WDR49: variants seen among roughly 807,000 people sequenced by gnomAD.
WDR49 encodes the protein cilia- and flagella-associated protein 337.
WDR49 carries 107 observed loss-of-function variants against 119.5 expected under a neutral mutation model. That is an observed-to-expected ratio of 0.90 (90% CI 0.77 to 1.05). WDR49 has a LOEUF of 1.05. WDR49 is among the 50% of genes least tolerant of loss of function. The pLI is 0.00. For synonymous variants in WDR49, 425 were observed against 418.8 expected, an observed-to-expected ratio of 1.01 and a Z score of -0.18; for missense variants, 1,240 against 1,220.5, an observed-to-expected ratio of 1.02 and a Z score of -0.24.
intron 5 of WDR49, among the ~76,000 whole-genome samples, chr3:167,614,242 C>G (rs1466956457): frequency 6.6e-6 from 1 of 152,006 alleles, no homozygotes; most frequent in African/African-American, 2.4e-5. Flanking sequence ...GCTGGGATTA[C>G]AAGCGCCCAC....
At chr3:167,505,121 A>T (rs1266187600) in intron 17 of WDR49, among the ~76,000 whole-genome samples, 186 bp downstream of exon 17, 2 of 152,172 alleles carry the variant, frequency 1.3e-5, no homozygotes, top group African/African-American at 4.8e-5. Context: ...TATTCTGTGG[A>T]GCCTTGGACA....
At chr3:167,563,171 G>A (rs956139742) in intron 8 of WDR49, among the ~76,000 whole-genome samples, 3 of 151,936 alleles carry the variant, frequency 2.0e-5, no homozygotes, top group African/African-American at 7.3e-5. Flanking sequence ...TAGCGACCAC[G>A]GTGAAACCCC....
upstream of WDR49, among the ~76,000 whole-genome samples, chr3:167,655,853 A>G (rs6771065): frequency 0.29 from 43,778 of 151,902 alleles, 6,854 homozygotes; most frequent in African/African-American, 0.42. Flanking sequence ...AGCCAAGATC[A>G]CGCCACTGCC....
intron 2 of WDR49, among the ~76,000 whole-genome samples, chr3:167,634,834 A>G (rs969219699): frequency 6.6e-6 from 1 of 151,912 alleles, no homozygotes; most frequent in Non-Finnish European, 1.5e-5. Context: ...GATAAGTTAA[A>G]AATTAAAATC....
chr3:167,608,358 G>A lies in WDR49; in HGVS notation c.959-3890C>T, dbSNP rs552492401. Among the ~76,000 whole-genome samples, 32 of 152,258 alleles carry A rather than the reference G, an allele frequency of 2.1e-4. No individual in the cohort carries two copies. In the South Asian group the frequency reaches 6.6e-3, roughly 32 times the overall value. On this transcript the variant is annotated intron_variant, in intron 5 of 18. Coordinates refer to ENST00000682715, the MANE Select transcript of WDR49 (RefSeq NM_001366157.1). ...TACCCAGAAAATTACTTCGTCATGT[G>A]TTTCCCCATTATACCCAACTATCAT... is the stretch of plus-strand genomic sequence containing the variant.
At chr3:167,608,852 AC>A (rs1320224610) in intron 5 of WDR49, among the ~76,000 whole-genome samples, 18 of 152,168 alleles carry the variant, frequency 1.2e-4, no homozygotes, top group Admixed American at 7.8e-4. Flanking sequence ...GAGAAAAAAA[AC>A]AACTTGATTA....
chr3:167,579,611 T>C (rs1714434656), intron 7 of WDR49, among the ~76,000 whole-genome samples: 1 of 152,162 alleles, frequency 6.6e-6, no homozygotes, highest in South Asian at 2.1e-4. Flanking sequence ...TTGGGTTTTC[T>C]TGCCAAAGAT....
At chr3:167,499,049 T>C (rs1419472231) in intron 18 of WDR49, among the ~76,000 whole-genome samples, 1 of 152,124 alleles carries the variant, frequency 6.6e-6, no homozygotes, top group Non-Finnish European at 1.5e-5. Flanking sequence ...AAACCATAGA[T>C]TGCCCTCACA....
At chr3:167,632,856 A>ATG (rs1184283753) in intron 2 of WDR49, among the ~76,000 whole-genome samples, 1 of 152,044 alleles carries the variant, frequency 6.6e-6, no homozygotes, top group Non-Finnish European at 1.5e-5. Context: ...TCTAAGTCTT[A>ATG]GCCCCAATTA....
In WDR49 at chr3:167,527,835, A is replaced by C. The variant is rs1752690163; in HGVS notation, c.2589T>G (p.Val863=). The change falls in exon 15 of 19, where the codon GTT becomes GTG. Residue 863 remains valine (V), a synonymous_variant. Coordinates refer to ENST00000682715, the MANE Select transcript of WDR49 (RefSeq NM_001366157.1). ...ICVTGVCNAP[V]WIFGQAKHWH... ...ATATTTCTACCTGACCAAAGATCCA[A>C]ACAGGAGCATTGCAGACACCAGTCA... The C allele has an allele frequency of 6.2e-7, 1 of 1,612,820 alleles. No homozygotes were observed. Among genetic ancestry groups the C allele is most frequent in the Non-Finnish European group, 8.5e-7 (1 of 1,179,310 alleles).
chr3:167,489,617 T>G (rs942920221), intron 18 of WDR49, among the ~76,000 whole-genome samples: 1 of 152,112 alleles, frequency 6.6e-6, no homozygotes, highest in Non-Finnish European at 1.5e-5. Context: ...CAAAACATTT[T>G]TTCTATAATA....
chr3:167,628,252 G>T (rs1358978107), intron 2 of WDR49, among the ~76,000 whole-genome samples: 1 of 152,042 alleles, frequency 6.6e-6, no homozygotes, highest in Non-Finnish European at 1.5e-5. Context: ...TTTAAGTAAA[G>T]TCAGAGTTTC....
intron 8 of WDR49, among the ~76,000 whole-genome samples, chr3:167,573,678 G>C (rs1714070524): frequency 6.6e-6 from 1 of 152,088 alleles, no homozygotes; most frequent in African/African-American, 2.4e-5. Context: ...GATTCCCTGA[G>C]AGAATCTGAG....
chr3:167,511,568 A>T (rs1451184577), intron 16 of WDR49, among the ~76,000 whole-genome samples: 1 of 152,152 alleles, frequency 6.6e-6, no homozygotes, highest in African/African-American at 2.4e-5. Context: ...CAGGGAAACC[A>T]TGTTTTTTTC....
chr3:167,553,126 T>C (rs546341632), intron 10 of WDR49, among the ~76,000 whole-genome samples: 3 of 152,096 alleles, frequency 2.0e-5, no homozygotes, highest in Admixed American at 6.6e-5. Flanking sequence ...AAAATCTATC[T>C]TAACATAAAG....
At position 167,564,928 on chromosome 3, in the gene WDR49, A is replaced by T. The variant is rs184354884; in HGVS notation, c.1510-4700T>A. On this transcript the variant is annotated intron_variant, in intron 8 of 18. Coordinates refer to ENST00000682715, the MANE Select transcript of WDR49 (RefSeq NM_001366157.1). ...TAAGAAAAAAAAAACAGGAATCAAA[A>T]ATTACAGCAGCAAATGCCACGAGCT... 1.5e-4 allele frequency among the ~76,000 whole-genome samples: 23 copies of T among 152,218 alleles called. No homozygotes were observed. The East Asian group carries it at 4.4e-3, about 29-fold the overall frequency.
At chr3:167,571,854 C>G (rs898111668) in intron 8 of WDR49, among the ~76,000 whole-genome samples, 1 of 152,092 alleles carries the variant, frequency 6.6e-6, no homozygotes, top group Admixed American at 6.5e-5. Context: ...ACCATTTACT[C>G]TATTAAAATT....
chr3:167,559,439 A>T (rs893749718), intron 9 of WDR49, among the ~76,000 whole-genome samples: 4 of 152,190 alleles, frequency 2.6e-5, no homozygotes, highest in African/African-American at 9.7e-5. Flanking sequence ...CTAGTTTTTC[A>T]TGAAAAGTTG....
Position 167,560,376 on chromosome 3 carries a change from A to G in WDR49, c.1510-148T>C, listed in dbSNP as rs963209786. 30 of 792,652 alleles carry G rather than the reference A, an allele frequency of 3.8e-5. No homozygotes were observed. In the Admixed American group the frequency reaches 4.8e-4, roughly 13 times the overall value. The allele number at this position is 792,652 out of a possible 1,614,324, so 49.1% of individuals were successfully genotyped here. A position where few individuals can be genotyped will look rare whatever the true frequency, so the allele number is the denominator to read the frequency against. On this transcript the variant is annotated intron_variant, in intron 8 of 18. Coordinates refer to ENST00000682715, the MANE Select transcript of WDR49 (RefSeq NM_001366157.1). ...TTTGTAATGGACTTTCTTTCTATTA[A>G]GCTGATAACATTTCAATTTTGACTA...
Sources: gnomAD v4.1 joint callset for allele counts (sites outside exome capture counted in the v4.1 genomes callset) on GRCh38, gnomAD v4.1.1 for gene constraint, MANE v1.5 for transcripts, NCBI Gene and HGNC (gene_info 2026-07-23, HGNC 2026-07-21) for gene names.